ADAMTSL1: variants seen among roughly 807,000 people sequenced by gnomAD.
The protein encoded by ADAMTSL1 is ADAMTS like 1.
ADAMTSL1 carries 126 observed loss-of-function variants against 201.8 expected under a neutral mutation model. The ratio of observed to expected loss-of-function variants is 0.62; its 90% CI spans 0.54 to 0.72. The LOEUF is 0.72. Among genes scored for constraint, ADAMTSL1 ranks in the 30% least tolerant of loss-of-function variants. ADAMTSL1 has a pLI of 0.00. For missense variants in ADAMTSL1, 2,679 were observed against 2,277.8 expected, an observed-to-expected ratio of 1.18 and a Z score of -3.59; for synonymous variants, 1,121 against 903.4, an observed-to-expected ratio of 1.24 and a Z score of -4.32.
At chr9:18,571,092 G>C (rs78835174) in intron 3 of ADAMTSL1, among the ~76,000 whole-genome samples, 2,656 of 152,242 alleles carry the variant, frequency 0.017, 41 homozygotes, top group Non-Finnish European at 0.031. Context: ...TCTTAGGAAA[G>C]GTGGAAAGAA....
intron 2 of ADAMTSL1, among the ~76,000 whole-genome samples, chr9:18,231,721 C>T (rs56316407): frequency 6.6e-6 from 1 of 152,166 alleles, no homozygotes; most frequent in Non-Finnish European, 1.5e-5. Context: ...AAGGAATCTC[C>T]AACTTACGTG....
intron 4 of ADAMTSL1, among the ~76,000 whole-genome samples, chr9:18,578,509 G>C (rs987796185): frequency 6.6e-6 from 1 of 152,114 alleles, no homozygotes; most frequent in African/African-American, 2.4e-5. Flanking sequence ...AGAGGCTCTG[G>C]AATCATACCA....
chr9:18,666,345 T>A (rs1297329835), intron 9 of ADAMTSL1, among the ~76,000 whole-genome samples: 1 of 152,194 alleles, frequency 6.6e-6, no homozygotes, highest in Non-Finnish European at 1.5e-5. Context: ...TAATGACTTT[T>A]AGATAAAATT....
intron 19 of ADAMTSL1, among the ~76,000 whole-genome samples, chr9:18,788,375 AC>A (rs1053136302): frequency 1.4e-5 from 2 of 143,118 alleles, no homozygotes; most frequent in Non-Finnish European, 3.1e-5. Flanking sequence ...GACGTTAATT[AC>A]CCCCCCGCCC....
At chr9:18,334,449 T>C (rs1356983482) in intron 2 of ADAMTSL1, among the ~76,000 whole-genome samples, 1 of 152,204 alleles carries the variant, frequency 6.6e-6, no homozygotes, top group African/African-American at 2.4e-5. Flanking sequence ...CAGAGAATTA[T>C]GCCTATCCTG....
In ADAMTSL1 at chr9:18,009,579, T is replaced by A. The variant is rs572816808; in HGVS notation, c.87+102657T>A. 3.9e-5 allele frequency among the ~76,000 whole-genome samples: 6 copies of A among 152,146 alleles called. No homozygotes were observed. In the East Asian group the frequency reaches 1.2e-3, roughly 30 times the overall value. ...CATAATTTTGGATAAGAGAAACTAC[T>A]TTTTCTCTGGTTTTCAGACTTGTTA... is the stretch of plus-strand genomic sequence containing the variant. On this transcript the variant is annotated intron_variant, in intron 1 of 29. Coordinates refer to the ADAMTSL1 transcript ENST00000680146.
intron 20 of ADAMTSL1, among the ~76,000 whole-genome samples, chr9:18,807,963 C>A (rs1182469558): frequency 2.0e-5 from 3 of 152,102 alleles, no homozygotes; most frequent in African/African-American, 7.2e-5. Flanking sequence ...ACGTGGCAGT[C>A]ATCACACAGC....
intron 3 of ADAMTSL1, among the ~76,000 whole-genome samples, chr9:18,560,488 C>A (rs1821413495): frequency 6.6e-6 from 1 of 152,132 alleles, no homozygotes. Context: ...TGTTGTTTAT[C>A]TGCCAGGCTT....
In ADAMTSL1 at chr9:18,584,774, G is replaced by C. The variant is rs552769512; in HGVS notation, c.474+10508G>C. 5.3e-4 allele frequency among the ~76,000 whole-genome samples: 81 copies of C among 152,166 alleles called. 1 individual carries two copies. In the Middle Eastern group the frequency reaches 0.01, roughly 19 times the overall value. ...AGTTGGGAAAATTTACTCAGTATTG[G>C]TGGGCACCATCCAATTGACTAGGGG... On this transcript the variant is annotated intron_variant, in intron 4 of 28. Coordinates refer to ENST00000380548, the MANE Select transcript of ADAMTSL1 (RefSeq NM_001040272.6).
chr9:18,233,764 G>A (rs372989141), intron 2 of ADAMTSL1, among the ~76,000 whole-genome samples: 1 of 152,180 alleles, frequency 6.6e-6, no homozygotes, highest in Non-Finnish European at 1.5e-5. Context: ...ACTGCTGATG[G>A]ACGGAACAGC....
intron 3 of ADAMTSL1, among the ~76,000 whole-genome samples, chr9:18,571,368 T>C (rs529226033): frequency 5.3e-5 from 8 of 152,280 alleles, no homozygotes; most frequent in African/African-American, 9.6e-5. Context: ...TAAGAGGAGT[T>C]TGGAACCATT....
chr9:18,324,569 A>G (rs1286988816), intron 2 of ADAMTSL1, among the ~76,000 whole-genome samples: 1 of 152,142 alleles, frequency 6.6e-6, no homozygotes, highest in Non-Finnish European at 1.5e-5. Context: ...GTTTGAAACC[A>G]GCCTGACCAA....
intron 1 of ADAMTSL1, among the ~76,000 whole-genome samples, chr9:18,476,011 A>T (rs1055876841): frequency 1.3e-5 from 2 of 152,136 alleles, no homozygotes; most frequent in Non-Finnish European, 2.9e-5. Flanking sequence ...CTTATTTCAG[A>T]AGGACTTAAA....
intron 1 of ADAMTSL1, among the ~76,000 whole-genome samples, chr9:18,149,204 AC>A (rs1826793906): frequency 6.6e-6 from 1 of 152,004 alleles, no homozygotes; most frequent in African/African-American, 2.4e-5. Context: ...AAGGAGTCAG[AC>A]TTACCGAGAT....
At chr9:18,352,913 T>C (rs547368407) in intron 2 of ADAMTSL1, among the ~76,000 whole-genome samples, 1 of 152,336 alleles carries the variant, frequency 6.6e-6, no homozygotes, top group South Asian at 2.1e-4. Context: ...AAATAACATG[T>C]ATTTGGTAGT....
chr9:18,744,709 G>A (rs1324955731), intron 15 of ADAMTSL1, among the ~76,000 whole-genome samples: 7 of 152,138 alleles, frequency 4.6e-5, no homozygotes, highest in Admixed American at 6.5e-5. Flanking sequence ...TAACTTCCCC[G>A]AGATTATTCA....
At chr9:18,044,579 C>T (rs143706451) in intron 1 of ADAMTSL1, among the ~76,000 whole-genome samples, 297 of 152,252 alleles carry the variant, frequency 2.0e-3, no homozygotes, top group African/African-American at 6.8e-3. Flanking sequence ...CTTCCTTTAG[C>T]ATCTTACTAC....
chr9:18,341,529 C>A (rs1835462985), intron 2 of ADAMTSL1, among the ~76,000 whole-genome samples: 1 of 152,162 alleles, frequency 6.6e-6, no homozygotes, highest in Admixed American at 6.6e-5. Flanking sequence ...GAATAAATGT[C>A]CTCCATAGCC....
chr9:18,308,739 C>T (rs1285024826), intron 2 of ADAMTSL1, among the ~76,000 whole-genome samples: 1 of 152,116 alleles, frequency 6.6e-6, no homozygotes, highest in African/African-American at 2.4e-5. Context: ...GGATTCACAG[C>T]CGAATTCTAC....
Sources: gnomAD v4.1 joint callset for allele counts (sites outside exome capture counted in the v4.1 genomes callset) on GRCh38, gnomAD v4.1.1 for gene constraint, MANE v1.5 for transcripts, NCBI Gene and HGNC (gene_info 2026-07-23, HGNC 2026-07-21) for gene names.